Variants in CAB39L observed in about 807,000 individuals in gnomAD.
The protein encoded by CAB39L is calcium binding protein 39 like, also known as calcium-binding protein 39-like.
Under a neutral mutation model 39.1 loss-of-function variants are expected in CAB39L, and 23 were observed. That is an observed-to-expected ratio of 0.59 (90% CI 0.42 to 0.83). The LOEUF (loss-of-function observed/expected upper bound fraction) is 0.83. Ranked by LOEUF, CAB39L falls within the 40% of genes least tolerant of loss-of-function variation. The pLI is 0.00. For missense variants in CAB39L, 366 were observed against 391.9 expected, an observed-to-expected ratio of 0.93 and a Z score of 0.56; for synonymous variants, 126 against 137.2, an observed-to-expected ratio of 0.92 and a Z score of 0.57.
intron 1 of CAB39L, among the ~76,000 whole-genome samples, chr13:49,442,396 TC>T (rs1284844852): frequency 2.0e-5 from 3 of 152,162 alleles, no homozygotes; most frequent in African/African-American, 7.2e-5. Flanking sequence ...TTAGAAAAGG[TC>T]AAAAGGTATA....
At chr13:49,311,372 C>A (rs1436398138) in intron 10 of CAB39L, among the ~76,000 whole-genome samples, 2 of 152,160 alleles carry the variant, frequency 1.3e-5, no homozygotes, top group African/African-American at 2.4e-5. Context: ...ATGCACAGTG[C>A]ATAATACTTG....
At chr13:49,336,075 C>A (rs1263820444) in intron 9 of CAB39L, among the ~76,000 whole-genome samples, 1 of 146,762 alleles carries the variant, frequency 6.8e-6, no homozygotes, top group African/African-American at 2.5e-5. Flanking sequence ...ATCTAATTAC[C>A]AAAAGGAAAA....
chr13:49,413,717 T>C (rs902295398), intron 3 of CAB39L: 1 of 152,194 alleles, frequency 6.6e-6, no homozygotes, highest in Non-Finnish European at 1.5e-5. Context: ...TTTCAACCAA[T>C]ACTCACCCTT....
chr13:49,325,712 C>G (rs1029367825), intron 10 of CAB39L, among the ~76,000 whole-genome samples: 6 of 152,272 alleles, frequency 3.9e-5, no homozygotes, highest in Admixed American at 2.6e-4. Flanking sequence ...TCACTTGAAC[C>G]TGGGAGGTGG....
intron 8 of CAB39L, among the ~76,000 whole-genome samples, chr13:49,341,496 C>T (rs1370426332): frequency 6.6e-6 from 1 of 152,096 alleles, no homozygotes; most frequent in African/African-American, 2.4e-5. Context: ...CGTGATCCAC[C>T]CGCCTCTTTC....
chr13:49,422,044 C>A (rs1156767734), intron 3 of CAB39L, among the ~76,000 whole-genome samples: 1 of 151,964 alleles, frequency 6.6e-6, no homozygotes, highest in Non-Finnish European at 1.5e-5. Context: ...CAATAAAGAT[C>A]TCAAACTGAA....
chr13:49,352,456 C>A (rs1955383346), intron 6 of CAB39L, among the ~76,000 whole-genome samples: 1 of 151,432 alleles, frequency 6.6e-6, no homozygotes, highest in Non-Finnish European at 1.5e-5. Context: ...AGGGCCCCCT[C>A]CAAAAAAAAA....
At chr13:49,399,961 C>CT (rs759035664) in intron 3 of CAB39L, among the ~76,000 whole-genome samples, 76 of 151,632 alleles carry the variant, frequency 5.0e-4, no homozygotes, top group Admixed American at 1.3e-3. Flanking sequence ...GGTCAACAGT[C>CT]TAAAAAAAAA....
chr13:49,405,719 G>GAGAGGAAGGA (rs1220698718), intron 3 of CAB39L, among the ~76,000 whole-genome samples: 41 of 95,076 alleles, frequency 4.3e-4, no homozygotes, highest in African/African-American at 1.0e-3. Context: ...GAAAGAGAGA[G>GAGAGGAAGGA]AGGAAGGAAG....
chr13:49,332,573 A>G (rs1176723017), intron 9 of CAB39L, among the ~76,000 whole-genome samples: 1 of 152,168 alleles, frequency 6.6e-6, no homozygotes, highest in Non-Finnish European at 1.5e-5. Context: ...AAAGTCAGAA[A>G]AAAAATTGAC....
chr13:49,390,612 A>C (rs2146395), intron 3 of CAB39L, among the ~76,000 whole-genome samples: 82,739 of 151,950 alleles, frequency 0.54, 23,914 homozygotes, highest in African/African-American at 0.72. Flanking sequence ...TATTTATATA[A>C]CCAAAAGATA....
intron 10 of CAB39L, among the ~76,000 whole-genome samples, chr13:49,330,667 ATATT>A (rs1027277221): frequency 4.0e-5 from 6 of 150,208 alleles, no homozygotes; most frequent in Admixed American, 6.6e-5. Flanking sequence ...ATTTAGAAAA[ATATT>A]TATTTTTTTA....
At chr13:49,350,178 G>A (rs1444120514) in intron 7 of CAB39L, among the ~76,000 whole-genome samples, 2 of 152,060 alleles carry the variant, frequency 1.3e-5, no homozygotes, top group Admixed American at 6.5e-5. Flanking sequence ...TGACAAAGTA[G>A]ATAATACATG....
At chr13:49,400,454 A>G (rs1030940278) in intron 3 of CAB39L, among the ~76,000 whole-genome samples, 3 of 143,288 alleles carry the variant, frequency 2.1e-5, no homozygotes, top group African/African-American at 7.8e-5. Flanking sequence ...ACACACACAC[A>G]CACACACACA....
chr13:49,334,361 C>T (rs1345247230), intron 9 of CAB39L, among the ~76,000 whole-genome samples: 2 of 152,180 alleles, frequency 1.3e-5, no homozygotes, highest in African/African-American at 4.8e-5. Flanking sequence ...CATTAAGATG[C>T]CGTTCCCAGC....
rs189600813 is a variant in CAB39L at position 49,421,774 on chromosome 13, G to A, written c.-32+11544C>T. Among the ~76,000 whole-genome samples the A allele has an allele frequency of 7.3e-4, 111 of 152,128 alleles. 1 individual carries two copies. The highest frequency in any genetic ancestry group is 2.5e-3 in the African/African-American group (102 of 41,490). On this transcript the variant is annotated intron_variant, in intron 3 of 10. Transcript: ENST00000409308. Reference sequence around the variant, plus strand: ...AACAAGCAAACCCCCTCCCCTAGGTGGTCAACTGAGAACAGGGAGAGAACC... The same window carrying A: ...AACAAGCAAACCCCCTCCCCTAGGTAGTCAACTGAGAACAGGGAGAGAACC...
chr13:49,387,075 G>C (rs1956381852), intron 3 of CAB39L, among the ~76,000 whole-genome samples: 1 of 152,202 alleles, frequency 6.6e-6, no homozygotes, highest in South Asian at 2.1e-4. Context: ...CTGATCTGCT[G>C]TATGATTCAA....
At chr13:49,339,613 A>G in intron 9 of CAB39L, 64 bp downstream of exon 9, 2 of 1,426,786 alleles carry the variant, frequency 1.4e-6, no homozygotes, top group South Asian at 1.7e-5. Context: ...ATACTAATAG[A>G]CCCGTCATTT....
chr13:49,327,784 G>A (rs1253017207), intron 10 of CAB39L, among the ~76,000 whole-genome samples: 1 of 152,298 alleles, frequency 6.6e-6, no homozygotes, highest in African/African-American at 2.4e-5. Context: ...CCATTATTAT[G>A]TGCTATTGTA....
Sources: gnomAD v4.1 joint callset for allele counts (sites outside exome capture counted in the v4.1 genomes callset) on GRCh38, gnomAD v4.1.1 for gene constraint, MANE v1.5 for transcripts, NCBI Gene and HGNC (gene_info 2026-07-23, HGNC 2026-07-21) for gene names.